TMEM200A: variants seen among roughly 807,000 people sequenced by gnomAD.
TMEM200A encodes the protein transmembrane protein 200A, also known as two transmembrane C.
Under a neutral mutation model 24.3 loss-of-function variants are expected in TMEM200A, and 12 were observed. That is an observed-to-expected ratio of 0.49 (90% CI 0.32 to 0.80). The LOEUF is 0.80. TMEM200A is among the 30% of genes least tolerant of loss of function. The probability of loss-of-function intolerance (pLI) is 0.04; values close to 1 mark genes in which losing one functional copy is unlikely to be tolerated. For synonymous variants in TMEM200A, 224 were observed against 224.4 expected, an observed-to-expected ratio of 1.00 and a Z score of 0.02; for missense variants, 545 against 614.4, an observed-to-expected ratio of 0.89 and a Z score of 1.19.
At chr6:130,381,803 T>G in intron 1 of TMEM200A, 1 of 518,728 alleles carries the variant, frequency 1.9e-6, no homozygotes, top group Non-Finnish European at 2.5e-6. Flanking sequence ...GCAGAAAGGT[T>G]TATTTGGTTT....
At chr6:130,433,884 G>A (rs995304146) in intron 2 of TMEM200A, among the ~76,000 whole-genome samples, 11 of 152,174 alleles carry the variant, frequency 7.2e-5, no homozygotes, top group Non-Finnish European at 1.2e-4. Context: ...GAACAAGGAT[G>A]AATTAGAATC....
rs370332210 is a variant in TMEM200A at position 130,377,093 on chromosome 6, G to A, written c.-80-8080G>A. Among the ~76,000 whole-genome samples the A allele has an allele frequency of 1.1e-4, 16 of 152,272 alleles. 2 individuals carry two copies. The highest frequency in any genetic ancestry group is 1.2e-4 in the African/African-American group (5 of 41,548). On this transcript the variant is annotated intron_variant, in intron 1 of 2. Coordinates refer to ENST00000296978, the MANE Select transcript of TMEM200A (RefSeq NM_001258277.2). ...CTGGCCATTGTGTTCCATGCTAAGA[G>A]CATAACAAGCTTTTCTCAAGAAACT...
intron 2 of TMEM200A, among the ~76,000 whole-genome samples, chr6:130,414,606 T>C (rs1403565660): frequency 6.6e-6 from 1 of 152,186 alleles, no homozygotes; most frequent in Non-Finnish European, 1.5e-5. Flanking sequence ...TGCTTGTAAA[T>C]ACTGTAATAA....
chr6:130,372,577 G>A (rs917039123), intron 1 of TMEM200A, among the ~76,000 whole-genome samples: 4 of 152,142 alleles, frequency 2.6e-5, no homozygotes, highest in African/African-American at 7.2e-5. Flanking sequence ...AGGGAGAGAG[G>A]ACACTCGCTA....
chr6:130,386,494 T>A (rs1778715031), intron 2 of TMEM200A, among the ~76,000 whole-genome samples: 1 of 152,204 alleles, frequency 6.6e-6, no homozygotes, highest in African/African-American at 2.4e-5. Context: ...TTGAAATTGA[T>A]GATCTTTTTA....
chr6:130,393,209 C>T (rs989956149), intron 2 of TMEM200A, among the ~76,000 whole-genome samples: 1 of 152,112 alleles, frequency 6.6e-6, no homozygotes, highest in African/African-American at 2.4e-5. Flanking sequence ...AGTTAATCGG[C>T]AGTAGGTAGT....
intron 2 of TMEM200A, among the ~76,000 whole-genome samples, chr6:130,387,575 G>C (rs1268154700): frequency 6.6e-6 from 1 of 152,136 alleles, no homozygotes; most frequent in Non-Finnish European, 1.5e-5. Flanking sequence ...ACCCAGTCTG[G>C]ATAGAGTTCT....
chr6:130,403,099 A>G (rs1779125171), intron 2 of TMEM200A, among the ~76,000 whole-genome samples: 1 of 152,132 alleles, frequency 6.6e-6, no homozygotes, highest in South Asian at 2.1e-4. Context: ...CAGAAACACC[A>G]GGTAAAACCA....
chr6:130,441,507 C>G lies in TMEM200A; in HGVS notation c.1085C>G (p.Ser362Cys). The part of the protein sequence containing the change: ...GESLSSQYKS[S>C]MALGPGAGQL... The stretch of plus-strand genomic sequence containing the variant: ...TCGTTGTCGAGTCAGTACAAGTCAT[C>G]TATGGCTCTCGGACCTGGGGCTGGA... The change falls in exon 3 of 3, where the codon TCT (serine) becomes TGT (cysteine). Residue 362 changes from serine to cysteine, a missense_variant. By Grantham distance (112) the Ser-to-Cys change is moderately radical (BLOSUM62 -1). Coordinates refer to ENST00000296978, the MANE Select transcript of TMEM200A (RefSeq NM_001258277.2). The G allele has an allele frequency of 6.2e-7, 1 of 1,614,054 alleles. No individual in the cohort carries two copies. Among genetic ancestry groups the G allele is most frequent in the African/African-American group, 1.3e-5 (1 of 75,032 alleles).
chr6:130,393,438 A>G (rs1230383353), intron 2 of TMEM200A, among the ~76,000 whole-genome samples: 1 of 152,240 alleles, frequency 6.6e-6, no homozygotes, highest in African/African-American at 2.4e-5. Context: ...CCTGTGGGCC[A>G]GAAATGACCA....
chr6:130,381,985 C>T (rs1331153015), intron 1 of TMEM200A: 1 of 984,720 alleles, frequency 1.0e-6, no homozygotes, highest in Admixed American at 6.2e-5. Context: ...AGTGGCTCTC[C>T]TTCAAAGATA....
At chr6:130,437,834 A>C (rs1489501900) in intron 2 of TMEM200A, 1 of 152,106 alleles carries the variant, frequency 6.6e-6, no homozygotes, top group Non-Finnish European at 1.5e-5. Context: ...TTTTTCTTAA[A>C]ATATCTTTTC....
At chr6:130,404,588 T>C (rs1779162643) in intron 2 of TMEM200A, among the ~76,000 whole-genome samples, 1 of 152,212 alleles carries the variant, frequency 6.6e-6, no homozygotes, top group Non-Finnish European at 1.5e-5. Flanking sequence ...GTCAGATGCA[T>C]AGTTTGCAAA....
At position 130,415,579 on chromosome 6, in the gene TMEM200A, G is replaced by T. The variant is rs985878796; in HGVS notation, c.-16-24828G>T. Among the ~76,000 whole-genome samples the T allele has an allele frequency of 2.0e-5, 3 of 152,070 alleles. No individual in the cohort carries two copies. The East Asian group carries it at 5.8e-4, about 29-fold the overall frequency. ...CCTTACATTTTGAAAGGATGTGGGG[G>T]TCTCTTTGAGCCCTACTTTCGTCGT... On this transcript the variant is annotated intron_variant, in intron 2 of 2. Transcript: ENST00000296978.
At chr6:130,397,470 A>G (rs767254298) in intron 2 of TMEM200A, among the ~76,000 whole-genome samples, 1 of 152,144 alleles carries the variant, frequency 6.6e-6, no homozygotes, top group Non-Finnish European at 1.5e-5. Flanking sequence ...TCATTTTGCC[A>G]TGATGTAAAA....
chr6:130,435,122 G>T (rs867611277), intron 2 of TMEM200A, among the ~76,000 whole-genome samples: 2 of 150,646 alleles, frequency 1.3e-5, no homozygotes, highest in Middle Eastern at 3.5e-3. Flanking sequence ...ATTTTTGGTT[G>T]TCTGCAGGTA....
chr6:130,414,461 T>C (rs776450788), intron 2 of TMEM200A, among the ~76,000 whole-genome samples: 3 of 146,888 alleles, frequency 2.0e-5, no homozygotes, highest in Non-Finnish European at 3.0e-5. Flanking sequence ...AGCTGCAATA[T>C]CTAGAAAATA....
intron 2 of TMEM200A, among the ~76,000 whole-genome samples, chr6:130,427,141 T>G (rs1280129539): frequency 6.6e-6 from 1 of 152,220 alleles, no homozygotes; most frequent in Non-Finnish European, 1.5e-5. Context: ...TTTACTCTTA[T>G]GTTCCAGGCT....
intron 1 of TMEM200A, among the ~76,000 whole-genome samples, chr6:130,377,495 T>C (rs968272968): frequency 6.6e-6 from 1 of 152,122 alleles, no homozygotes; most frequent in Non-Finnish European, 1.5e-5. Context: ...GACTCATCCC[T>C]ACCTAGAACC....
Sources: allele counts gnomAD v4.1 joint callset (sites outside exome capture counted in the v4.1 genomes callset), GRCh38; gene constraint gnomAD v4.1.1; transcripts MANE v1.5; gene names NCBI Gene and HGNC (gene_info 2026-07-23, HGNC 2026-07-21).